Variants in LRBA observed in about 807,000 individuals in gnomAD.
LRBA encodes lipopolysaccharide-responsive and beige-like anchor protein.
LRBA carries 176 observed loss-of-function variants against 330.0 expected under a neutral mutation model. The observed-to-expected ratio is 0.53, with a 90% CI of 0.47 to 0.60. The LOEUF (loss-of-function observed/expected upper bound fraction) is 0.60, where lower values mean the gene tolerates loss of function less well. Among genes scored for constraint, LRBA ranks in the 20% least tolerant of loss-of-function variants. The pLI is 0.00. For synonymous variants in LRBA, 1,230 were observed against 1,193.0 expected, an observed-to-expected ratio of 1.03 and a Z score of -0.64; for missense variants, 3,259 against 3,444.8, an observed-to-expected ratio of 0.95 and a Z score of 1.35.
intron 2 of LRBA, among the ~76,000 whole-genome samples, chr4:150,999,433 T>A (rs1373341714): frequency 6.6e-6 from 1 of 151,848 alleles, no homozygotes; most frequent in Non-Finnish European, 1.5e-5. Context: ...TGATTTCCTT[T>A]TTTTTTTTAA....
At chr4:150,362,821 G>A (rs535531409) in intron 47 of LRBA, among the ~76,000 whole-genome samples, 2 of 152,232 alleles carry the variant, frequency 1.3e-5, no homozygotes, top group East Asian at 3.9e-4. Flanking sequence ...AGCTCATGTG[G>A]CTGCATGCAG....
intron 40 of LRBA, among the ~76,000 whole-genome samples, chr4:150,571,510 A>G (rs756680790): frequency 6.6e-6 from 1 of 152,082 alleles, no homozygotes; most frequent in African/African-American, 2.4e-5. Context: ...GATAGTTGCC[A>G]TCTTTCACTA....
intron 34 of LRBA, among the ~76,000 whole-genome samples, chr4:150,769,430 G>A (rs1468028148): frequency 2.6e-5 from 4 of 152,172 alleles, no homozygotes; most frequent in Admixed American, 1.3e-4. Flanking sequence ...AATATCTACA[G>A]GATGAGTCAG....
chr4:150,403,079 C>T (rs886220615), intron 47 of LRBA, among the ~76,000 whole-genome samples: 13 of 152,052 alleles, frequency 8.5e-5, no homozygotes, highest in African/African-American at 2.9e-4. Flanking sequence ...ATCGGGTAAC[C>T]CTGTGCAGAG....
intron 47 of LRBA, among the ~76,000 whole-genome samples, chr4:150,400,453 G>T (rs947678389): frequency 2.6e-5 from 4 of 152,054 alleles, no homozygotes; most frequent in African/African-American, 9.7e-5. Flanking sequence ...ACGAATTTGA[G>T]TCAGAATCCA....
intron 40 of LRBA, among the ~76,000 whole-genome samples, chr4:150,522,605 C>G (rs542308641): frequency 6.4e-4 from 97 of 152,276 alleles, no homozygotes; most frequent in African/African-American, 2.0e-3. Flanking sequence ...ACTTGGGGCT[C>G]ACCAACCAGC....
At position 150,321,369 on chromosome 4, in the gene LRBA, C is replaced by G; in HGVS notation, c.7453-1G>C. ...CTTTGTCTGTGAACATCAATGGACT[C>G]TGCAGGAGGAGATACTGTTGAGTGG... On this transcript the variant is annotated splice_acceptor_variant, in intron 49 of 56. Transcript: ENST00000651943. LOFTEE classifies it high-confidence loss of function. The surrounding 1 kb of genome is among the most constrained non-coding windows in gnomAD (Gnocchi z 4.5). 6.3e-7 allele frequency: 1 copy of G among 1,579,346 alleles called. No homozygotes were observed. The highest frequency in any genetic ancestry group is 8.6e-7 in the Non-Finnish European group (1 of 1,168,274).
intron 34 of LRBA, among the ~76,000 whole-genome samples, chr4:150,774,886 T>A (rs1483885142): frequency 6.6e-6 from 1 of 152,194 alleles, no homozygotes; most frequent in African/African-American, 2.4e-5. Context: ...TCTAGAACTT[T>A]TCTGCGTATA....
intron 23 of LRBA, among the ~76,000 whole-genome samples, chr4:150,851,288 T>C (rs1750578584): frequency 6.6e-6 from 1 of 151,980 alleles, no homozygotes; most frequent in South Asian, 2.1e-4. Context: ...AAAACAGAGA[T>C]AACATAATGA....
At chr4:150,995,076 G>A (rs147181366) in intron 2 of LRBA, among the ~76,000 whole-genome samples, 209 of 151,746 alleles carry the variant, frequency 1.4e-3, no homozygotes, top group Middle Eastern at 6.8e-3. Context: ...GATCACAGTT[G>A]GCATGTTTGC....
intron 38 of LRBA, among the ~76,000 whole-genome samples, chr4:150,596,851 T>A (rs1773542730): frequency 6.6e-6 from 1 of 151,578 alleles, no homozygotes; most frequent in South Asian, 2.1e-4. Flanking sequence ...CTGAATTTAT[T>A]CCCTTTTTAT....
intron 53 of LRBA, among the ~76,000 whole-genome samples, chr4:150,286,533 C>T (rs1040797317): frequency 1.3e-5 from 2 of 151,958 alleles, no homozygotes; most frequent in Non-Finnish European, 2.9e-5. Flanking sequence ...ATTCTCTCTA[C>T]TAAGCTTATG....
chr4:150,453,304 T>C (rs1196588193), intron 44 of LRBA, among the ~76,000 whole-genome samples: 1 of 152,168 alleles, frequency 6.6e-6, no homozygotes, highest in Non-Finnish European at 1.5e-5. Context: ...CTCAAGACTG[T>C]GATACTGATA....
At chr4:150,793,268 AC>A (rs1356963733) in intron 34 of LRBA, among the ~76,000 whole-genome samples, 5 of 152,030 alleles carry the variant, frequency 3.3e-5, no homozygotes, top group African/African-American at 1.2e-4. Context: ...GCACCACTGA[AC>A]TCCAGCCTGG....
At chr4:150,937,655 T>C (rs1735224194) in intron 2 of LRBA, among the ~76,000 whole-genome samples, 1 of 152,140 alleles carries the variant, frequency 6.6e-6, no homozygotes, top group Non-Finnish European at 1.5e-5. Flanking sequence ...CTGAACTTCA[T>C]AAACAATTTT....
Position 150,521,293 on chromosome 4 carries a change from A to AT in LRBA, c.6331-30259dup, listed in dbSNP as rs1193668368. On this transcript the variant is annotated intron_variant, in intron 40 of 56. Coordinates refer to ENST00000651943, the MANE Select transcript of LRBA (RefSeq NM_001364905.1). The stretch of plus-strand genomic sequence containing the variant: ...CTGACTTCTTAATGATGAGCCTCAG[A>AT]TATTTGATTTTAAACTTTTCTGTTG... 2.0e-5 allele frequency among the ~76,000 whole-genome samples: 3 copies of AT among 151,984 alleles called. No homozygotes were observed. In the East Asian group the frequency reaches 5.8e-4, roughly 29 times the overall value.
chr4:150,333,583 T>C (rs1031643075), intron 48 of LRBA, among the ~76,000 whole-genome samples: 3 of 152,146 alleles, frequency 2.0e-5, no homozygotes, highest in Admixed American at 2.0e-4. Flanking sequence ...ACTAAGACCA[T>C]CCAGTGATGT....
chr4:150,275,589 G>C (rs1180196243), intron 56 of LRBA, among the ~76,000 whole-genome samples: 1 of 152,128 alleles, frequency 6.6e-6, no homozygotes, highest in Non-Finnish European at 1.5e-5. Flanking sequence ...AAAGTCTCAG[G>C]ATACAAAATC....
chr4:150,285,004 T>A (rs1747973440), intron 54 of LRBA, among the ~76,000 whole-genome samples: 1 of 152,230 alleles, frequency 6.6e-6, no homozygotes. Context: ...TCAGGACGTA[T>A]GAAATTATTG....
Sources: gnomAD v4.1 joint callset for allele counts (sites outside exome capture counted in the v4.1 genomes callset) on GRCh38, gnomAD v4.1.1 for gene constraint, Gnocchi (gnomAD v3.1) non-coding constraint, MANE v1.5 for transcripts, NCBI Gene and HGNC (gene_info 2026-07-23, HGNC 2026-07-21) for gene names.